FYB2: variants seen among roughly 807,000 people sequenced by gnomAD.
FYB2 encodes FYN-binding protein 2.
A neutral mutation model predicts 94.1 loss-of-function variants in FYB2; 103 were observed. The observed-to-expected ratio is 1.09, with a 90% CI of 0.93 to 1.29. FYB2 has a LOEUF of 1.29. FYB2 is among the 50% of genes most tolerant of loss of function. The probability of loss-of-function intolerance (pLI) is 0.00; values close to 1 mark genes in which losing one functional copy is unlikely to be tolerated. For synonymous variants in FYB2, 293 were observed against 287.9 expected (o/e 1.02, Z -0.18); for missense variants, 896 against 841.5 (o/e 1.06, Z -0.80).
intron 16 of FYB2, among the ~76,000 whole-genome samples, chr1:56,726,251 C>T (rs857138): frequency 0.15 from 22,417 of 151,998 alleles, 1,720 homozygotes; most frequent in East Asian, 0.26. Flanking sequence ...CTTGAAATCT[C>T]TCACTTCCTA....
chr1:56,740,568 T>A (rs1251443511), intron 13 of FYB2, 129 bp downstream of exon 13: 2 of 515,178 alleles, frequency 3.9e-6, no homozygotes, highest in Non-Finnish European at 6.9e-6. Flanking sequence ...AAGGGGCAGA[T>A]GATGGCCAGA....
chr1:56,733,723 T>C (rs530556416), intron 15 of FYB2, among the ~76,000 whole-genome samples: 1 of 152,322 alleles, frequency 6.6e-6, no homozygotes, highest in South Asian at 2.1e-4. Context: ...TTGTGCAGTT[T>C]TGAATGAGTT....
At chr1:56,777,513 T>C (rs1645908517) in intron 4 of FYB2, among the ~76,000 whole-genome samples, 1 of 152,170 alleles carries the variant, frequency 6.6e-6, no homozygotes, top group Admixed American at 6.5e-5. Context: ...TATAATTTAG[T>C]CAGGGAAATG....
upstream of FYB2, among the ~76,000 whole-genome samples, chr1:56,820,985 A>G (rs537708392): frequency 5.3e-5 from 8 of 152,288 alleles, no homozygotes; most frequent in African/African-American, 1.7e-4. Context: ...TTTGGCCAAC[A>G]CTGCTGTGTA....
Position 56,792,253 on chromosome 1 carries a change from T to C in FYB2, c.560A>G (p.Glu187Gly). 1 of 1,612,272 alleles carries C rather than the reference T, an allele frequency of 6.2e-7. No homozygotes were observed. The highest frequency in any genetic ancestry group is 1.1e-5 in the South Asian group (1 of 90,620). The change falls in exon 2 of 20, where the codon GAA becomes GGA. Residue 187 changes from glutamate to glycine, a missense_variant. By Grantham distance (98) the Glu-to-Gly change is moderately conservative. Transcript: ENST00000343433. Reference sequence around the variant, plus strand: ...AGGAAGAGTCTGGGCTCCTTTTGTTTCCAGCTTTTTCCTGGGTTCCTCTGG... The same window carrying C: ...AGGAAGAGTCTGGGCTCCTTTTGTTCCCAGCTTTTTCCTGGGTTCCTCTGG... ...LTPEEPRKKL[E>G]TKGAQTLPSQ... is the part of the protein sequence containing the mutation.
intron 4 of FYB2, among the ~76,000 whole-genome samples, chr1:56,768,196 A>G (rs760519529): frequency 1.9e-4 from 29 of 152,214 alleles, no homozygotes; most frequent in Non-Finnish European, 3.8e-4. Flanking sequence ...AGACATACAG[A>G]GGAAATTCAC....
chr1:56,817,238 A>T lies in FYB2; in HGVS notation c.9+2044T>A, dbSNP rs79259968. ...ACACTCCTTCACTTCCTCCAGCTCCAGTCATTCCTTGAAACACCCACGACC... is the reference window on the plus strand; with the variant it reads ...ACACTCCTTCACTTCCTCCAGCTCCTGTCATTCCTTGAAACACCCACGACC... On this transcript the variant is annotated intron_variant, in intron 1 of 19. Transcript: ENST00000343433. Among the ~76,000 whole-genome samples, 1,250 of 152,278 alleles carry T rather than the reference A, an allele frequency of 8.2e-3. 23 individuals are homozygous for T. The highest frequency in any genetic ancestry group is 0.029 in the African/African-American group (1,208 of 41,552).
At chr1:56,824,926 T>C in the FYB2 span, 1 of 152,214 alleles carries the variant, frequency 6.6e-6, no homozygotes, top group Non-Finnish European at 1.5e-5. Context: ...ATTTGGCCTT[T>C]GTTCATATTG....
In FYB2 at chr1:56,755,934, G is replaced by A. The variant is rs1645319207; in HGVS notation, c.1099-7C>T. On this transcript the variant is annotated splice_region_variant and splice_polypyrimidine_tract_variant and intron_variant, in intron 6 of 19. Coordinates refer to ENST00000343433, the MANE Select transcript of FYB2 (RefSeq NM_001004303.5). ...AGGGAAAATTCTTCCCAGGCTGAAAGTAAAGTGGAAAATGGTTATTTTCAT... is the reference window on the plus strand; with the variant it reads ...AGGGAAAATTCTTCCCAGGCTGAAAATAAAGTGGAAAATGGTTATTTTCAT... 6.2e-7 allele frequency: 1 copy of A among 1,608,518 alleles called. No individual in the cohort carries two copies. Among genetic ancestry groups the A allele is most frequent in the Non-Finnish European group, 8.5e-7 (1 of 1,175,598 alleles).
intron 1 of FYB2, among the ~76,000 whole-genome samples, chr1:56,815,362 C>A (rs1201905697): frequency 6.6e-6 from 1 of 152,154 alleles, no homozygotes; most frequent in Non-Finnish European, 1.5e-5. Flanking sequence ...TCAGTGCTTC[C>A]ATCAAAGCTT....
At chr1:56,747,902 C>G (rs1296070781) in intron 9 of FYB2, among the ~76,000 whole-genome samples, 1 of 152,120 alleles carries the variant, frequency 6.6e-6, no homozygotes, top group Non-Finnish European at 1.5e-5. Flanking sequence ...CACAGCCTCA[C>G]CAGCATCTGT....
Position 56,719,614 on chromosome 1 carries a change from T to A in FYB2, c.*57A>T. 1 of 1,476,994 alleles carries A rather than the reference T, an allele frequency of 6.8e-7. No individual in the cohort carries two copies. Among genetic ancestry groups the A allele is most frequent in the Non-Finnish European group, 9.3e-7 (1 of 1,081,060 alleles). The allele number at this position is 1,476,994 out of a possible 1,614,324, so 91.5% of individuals were successfully genotyped here. ...AACTGAAACTGATGTAACGCAGGAC[T>A]AGGATCTTAGGACTAGTTCTCCTTT... On this transcript the variant is annotated 3_prime_UTR_variant, in exon 20 of 20. Coordinates refer to ENST00000343433, the MANE Select transcript of FYB2 (RefSeq NM_001004303.5).
intron 9 of FYB2, 125 bp from the exon 10 acceptor site, chr1:56,744,391 AC>A: frequency 1.4e-6 from 1 of 692,676 alleles, no homozygotes; most frequent in Non-Finnish European, 2.5e-6. Context: ...AAATTGGATT[AC>A]AGTCTTGGTA....
chr1:56,726,118 CTTTT>C (rs901874922), intron 16 of FYB2, among the ~76,000 whole-genome samples: 9 of 151,568 alleles, frequency 5.9e-5, no homozygotes, highest in African/African-American at 1.9e-4. Flanking sequence ...TGATACCTAA[CTTTT>C]TTTTTCTCAA....
intron 9 of FYB2, 122 bp downstream of exon 9, chr1:56,750,922 C>A (rs1223220861): frequency 8.5e-7 from 1 of 1,173,046 alleles, no homozygotes; most frequent in African/African-American, 1.6e-5. Context: ...CTCACTAGGG[C>A]AAGTTGCTTG....
chr1:56,776,671 T>C (rs995492498), intron 4 of FYB2, among the ~76,000 whole-genome samples: 5 of 152,160 alleles, frequency 3.3e-5, no homozygotes, highest in Non-Finnish European at 7.3e-5. Context: ...TGACCCCATT[T>C]ATTTTACGGA....
At chr1:56,723,802 T>G (rs1644532689) in intron 16 of FYB2, 121 bp from the exon 17 acceptor site, 1 of 614,252 alleles carries the variant, frequency 1.6e-6, no homozygotes. Context: ...ATCATAATTT[T>G]ATATAAAATA....
chr1:56,807,998 C>A (rs927192238), intron 1 of FYB2, among the ~76,000 whole-genome samples: 2 of 152,066 alleles, frequency 1.3e-5, no homozygotes, highest in Non-Finnish European at 2.9e-5. Context: ...ATTATTATTG[C>A]CATCATTATT....
intron 1 of FYB2, among the ~76,000 whole-genome samples, chr1:56,806,691 G>A (rs1646655347): frequency 6.6e-6 from 1 of 152,146 alleles, no homozygotes; most frequent in African/African-American, 2.4e-5. Flanking sequence ...AACAAAGGGA[G>A]ATAACTATTC....
Sources: gnomAD v4.1 joint callset for allele counts (sites outside exome capture counted in the v4.1 genomes callset) on GRCh38, gnomAD v4.1.1 for gene constraint, MANE v1.5 for transcripts, NCBI Gene and HGNC (gene_info 2026-07-23, HGNC 2026-07-21) for gene names.